The following NTM variants were observed in gnomAD, a reference collection of about 807,000 sequenced individuals.
NTM encodes the protein neurotrimin, also known as IgLON family member 2.
In NTM, 13 loss-of-function variants were observed where a neutral mutation model predicts 42.1. That is an observed-to-expected ratio of 0.31 (90% CI 0.20 to 0.49). NTM has a LOEUF of 0.49. NTM is among the 20% of genes least tolerant of loss of function. The probability of loss-of-function intolerance (pLI) is 0.99; values close to 1 mark genes in which losing one functional copy is unlikely to be tolerated. For missense variants in NTM, 373 were observed against 452.8 expected (o/e 0.82, Z 1.60); for synonymous variants, 187 against 179.2 (o/e 1.04, Z -0.35).
chr11:132,136,826 C>T (rs910626773), intron 2 of NTM, among the ~76,000 whole-genome samples: 2 of 152,022 alleles, frequency 1.3e-5, no homozygotes, highest in African/African-American at 4.8e-5. Context: ...CTGGGGTTTG[C>T]TGGTTAAAGT....
chr11:131,762,547 G>A (rs1350556521), intron 1 of NTM, among the ~76,000 whole-genome samples: 1 of 152,234 alleles, frequency 6.6e-6, no homozygotes, highest in African/African-American at 2.4e-5. Flanking sequence ...AGGACCTGAA[G>A]CCGGGCAGTC....
chr11:131,626,037 C>CT (rs931340591), intron 1 of NTM, among the ~76,000 whole-genome samples: 9 of 151,556 alleles, frequency 5.9e-5, no homozygotes, highest in Non-Finnish European at 1.0e-4. Context: ...TTGTACAAGG[C>CT]TTTTTTTTGT....
At chr11:132,218,155 T>A (rs1231233261) in intron 4 of NTM, among the ~76,000 whole-genome samples, 2 of 151,930 alleles carry the variant, frequency 1.3e-5, no homozygotes, top group African/African-American at 4.8e-5. Flanking sequence ...ATCATTAGAA[T>A]GGCAGAGGAG....
At chr11:131,370,921 A>C (rs746142226) in intron 1 of NTM, 33 bp downstream of exon 1, 3 of 1,611,720 alleles carry the variant, frequency 1.9e-6, no homozygotes, top group South Asian at 1.1e-5. Flanking sequence ...CCTTCGGTAG[A>C]CCCAGGAATT....
chr11:131,652,025 C>T (rs1016334670), intron 1 of NTM, among the ~76,000 whole-genome samples: 1 of 152,138 alleles, frequency 6.6e-6, no homozygotes, highest in Non-Finnish European at 1.5e-5. Flanking sequence ...AGCAGACACT[C>T]TCCCATCAGA....
At chr11:131,394,212 T>G (rs899473827) in intron 1 of NTM, among the ~76,000 whole-genome samples, 1 of 152,190 alleles carries the variant, frequency 6.6e-6, no homozygotes, top group Non-Finnish European at 1.5e-5. Flanking sequence ...AGTCCCAGCT[T>G]GAAGCTTCTT....
At chr11:132,005,806 C>T (rs1184209083) in intron 2 of NTM, among the ~76,000 whole-genome samples, 1 of 152,172 alleles carries the variant, frequency 6.6e-6, no homozygotes, top group African/African-American at 2.4e-5. Context: ...CCTTAGCATA[C>T]ATTATTAGCT....
At chr11:131,464,610 C>G (rs1219068200) in intron 1 of NTM, among the ~76,000 whole-genome samples, 2 of 152,156 alleles carry the variant, frequency 1.3e-5, no homozygotes, top group African/African-American at 4.8e-5. Context: ...GGCAAATATT[C>G]TACATACTCA....
At chr11:131,637,657 C>G (rs1421234405) in intron 1 of NTM, among the ~76,000 whole-genome samples, 1 of 151,834 alleles carries the variant, frequency 6.6e-6, no homozygotes, top group Non-Finnish European at 1.5e-5. Context: ...CTGCTCATCT[C>G]TGCTCCCGTT....
chr11:131,564,840 T>G (rs932519898), intron 1 of NTM, among the ~76,000 whole-genome samples: 1 of 151,926 alleles, frequency 6.6e-6, no homozygotes, highest in Admixed American at 6.6e-5. Context: ...CTCAGACACA[T>G]GCTCACATGC....
At position 132,308,772 on chromosome 11, in the gene NTM, A is replaced by C. The variant is rs61906044; in HGVS notation, c.661+949A>C. On this transcript the variant is annotated intron_variant, in intron 5 of 8. Transcript: ENST00000683400. ...TTAAGAAGCAAGGCAATAGGTATAA[A>C]AATGCTGTCATTTTAAAAATCATAT... Among the ~76,000 whole-genome samples, 848 of 152,324 alleles carry C rather than the reference A, an allele frequency of 5.6e-3. 2 individuals are homozygous for C. Among genetic ancestry groups the C allele is most frequent in the Non-Finnish European group, 8.6e-3 (585 of 68,026 alleles).
At chr11:131,650,495 G>C (rs2066344254) in intron 1 of NTM, among the ~76,000 whole-genome samples, 1 of 152,146 alleles carries the variant, frequency 6.6e-6, no homozygotes, top group Non-Finnish European at 1.5e-5. Context: ...TTCAGATTTT[G>C]ACTTCCCTGG....
chr11:132,170,227 A>C (rs532937310), intron 3 of NTM, among the ~76,000 whole-genome samples: 1 of 152,298 alleles, frequency 6.6e-6, no homozygotes, highest in South Asian at 2.1e-4. Context: ...GTCACCAATA[A>C]CCATAGGCCT....
intron 3 of NTM, among the ~76,000 whole-genome samples, chr11:132,150,585 C>A (rs1375113234): frequency 6.6e-6 from 1 of 152,074 alleles, no homozygotes; most frequent in Non-Finnish European, 1.5e-5. Flanking sequence ...AGATGGTGCT[C>A]TTTTAAAAAC....
At chr11:131,806,621 G>GA (rs1398679087) in intron 1 of NTM, among the ~76,000 whole-genome samples, 10 of 152,138 alleles carry the variant, frequency 6.6e-5, no homozygotes, top group African/African-American at 2.4e-4. Flanking sequence ...AAAGGAGAAG[G>GA]AATTTGCCCA....
At chr11:131,638,865 A>G (rs1273699094) in intron 1 of NTM, among the ~76,000 whole-genome samples, 1 of 140,816 alleles carries the variant, frequency 7.1e-6, no homozygotes, top group African/African-American at 2.8e-5. Context: ...ACACCATATG[A>G]AAAAAAAAAA....
chr11:131,659,667 C>G (rs1337560360), intron 1 of NTM, among the ~76,000 whole-genome samples: 1 of 152,152 alleles, frequency 6.6e-6, no homozygotes, highest in African/African-American at 2.4e-5. Context: ...AGATCTTTAC[C>G]TCGAACCCTC....
At chr11:131,648,768 A>G (rs2066086313) in intron 1 of NTM, among the ~76,000 whole-genome samples, 1 of 152,222 alleles carries the variant, frequency 6.6e-6, no homozygotes, top group African/African-American at 2.4e-5. Context: ...GGTGGGATGT[A>G]AACTATCGTC....
chr11:131,634,496 C>T (rs555067346), intron 1 of NTM, among the ~76,000 whole-genome samples: 2 of 152,036 alleles, frequency 1.3e-5, no homozygotes, highest in East Asian at 1.9e-4. Flanking sequence ...TTCTCCATGA[C>T]GCTAATGCAC....
Sources: allele counts gnomAD v4.1 joint callset (sites outside exome capture counted in the v4.1 genomes callset), GRCh38; gene constraint gnomAD v4.1.1; transcripts MANE v1.5; gene names NCBI Gene and HGNC (gene_info 2026-07-23, HGNC 2026-07-21).